The following SPOCK3 variants were observed in gnomAD, a reference collection of about 807,000 sequenced individuals.
The protein encoded by SPOCK3 is testican-3.
In SPOCK3, 30 loss-of-function variants were observed where a neutral mutation model predicts 56.6. The observed-to-expected ratio is 0.53, with a 90% CI of 0.40 to 0.72. The LOEUF is 0.72. Ranked by LOEUF, SPOCK3 falls within the 30% of genes least tolerant of loss-of-function variation. The probability of loss-of-function intolerance (pLI) is 0.00; values close to 1 mark genes in which losing one functional copy is unlikely to be tolerated. For missense variants in SPOCK3, 527 were observed against 530.0 expected (o/e 0.99, Z 0.06); for synonymous variants, 196 against 183.3 (o/e 1.07, Z -0.56).
chr4:166,805,012 A>G (rs559226230), intron 6 of SPOCK3, among the ~76,000 whole-genome samples: 1 of 152,278 alleles, frequency 6.6e-6, no homozygotes, highest in African/African-American at 2.4e-5. Context: ...CAAGATTGAG[A>G]TAATATCTAG....
chr4:166,996,295 C>T (rs1269745161), intron 4 of SPOCK3, among the ~76,000 whole-genome samples: 1 of 152,096 alleles, frequency 6.6e-6, no homozygotes, highest in Non-Finnish European at 1.5e-5. Context: ...CAAACCTTTT[C>T]CTTTTAATAT....
chr4:166,822,324 A>ATTCTC (rs1232392029), intron 6 of SPOCK3, among the ~76,000 whole-genome samples: 1 of 151,460 alleles, frequency 6.6e-6, no homozygotes, highest in Non-Finnish European at 1.5e-5. Flanking sequence ...CTCTCTGAAA[A>ATTCTC]TGTGGATCAG....
At chr4:167,026,261 C>T (rs994407287) in intron 3 of SPOCK3, among the ~76,000 whole-genome samples, 1 of 152,060 alleles carries the variant, frequency 6.6e-6, no homozygotes, top group African/African-American at 2.4e-5. Flanking sequence ...GGAATCTCCT[C>T]ACTTTATGTA....
At chr4:166,762,425 G>A (rs2126514284) in intron 7 of SPOCK3, among the ~76,000 whole-genome samples, 1 of 152,188 alleles carries the variant, frequency 6.6e-6, no homozygotes, top group African/African-American at 2.4e-5. Context: ...TAGAGAAACG[G>A]CCATATCATT....
At chr4:167,134,270 C>A (rs1226705998) in intron 2 of SPOCK3, among the ~76,000 whole-genome samples, 1 of 151,566 alleles carries the variant, frequency 6.6e-6, no homozygotes, top group Non-Finnish European at 1.5e-5. Flanking sequence ...TGACTACAGG[C>A]GATCTGCCTG....
intron 8 of SPOCK3, among the ~76,000 whole-genome samples, chr4:166,745,332 T>C (rs1349997191): frequency 3.3e-5 from 5 of 152,180 alleles, no homozygotes; most frequent in Admixed American, 3.3e-4. Flanking sequence ...GGGGCCAATA[T>C]TCAACATTCT....
intron 2 of SPOCK3, among the ~76,000 whole-genome samples, chr4:167,212,198 A>T (rs1219865052): frequency 2.0e-5 from 3 of 152,012 alleles, no homozygotes; most frequent in Non-Finnish European, 4.4e-5. Flanking sequence ...TAGATTTTTC[A>T]GTACAGTTTT....
chr4:167,185,798 A>AT (rs913909454), intron 2 of SPOCK3, among the ~76,000 whole-genome samples: 12 of 152,044 alleles, frequency 7.9e-5, no homozygotes, highest in Admixed American at 1.3e-4. Context: ...CAATGATAGG[A>AT]TTTTTTTTGA....
chr4:166,792,948 C>T (rs1051308715), intron 6 of SPOCK3, among the ~76,000 whole-genome samples: 3 of 152,022 alleles, frequency 2.0e-5, no homozygotes, highest in Non-Finnish European at 4.4e-5. Context: ...TTAAAGATAT[C>T]ATTATTTATC....
chr4:167,119,636 G>A lies in SPOCK3; in HGVS notation c.190-57099C>T, dbSNP rs1319918056. On this transcript the variant is annotated intron_variant, in intron 2 of 10. Transcript: ENST00000357545. ...TAGCAAAAATAAACCACAAGTGAAG[G>A]GCTGAGGGATGACATCAGTCATAGA... Among the ~76,000 whole-genome samples, 3 of 152,016 alleles carry A rather than the reference G, an allele frequency of 2.0e-5. No individual in the cohort carries two copies. In the East Asian group the frequency reaches 5.8e-4, roughly 29 times the overall value.
In SPOCK3 at chr4:167,153,571, T is replaced by G. The variant is rs1241019371; in HGVS notation, c.189+80414A>C. Among the ~76,000 whole-genome samples the G allele has an allele frequency of 1.3e-5, 2 of 152,200 alleles. 1 individual carries two copies. The highest frequency in any genetic ancestry group is 2.9e-5 in the Non-Finnish European group (2 of 68,044). On this transcript the variant is annotated intron_variant, in intron 2 of 10. Transcript: ENST00000357545. The stretch of plus-strand genomic sequence containing the variant: ...CACTAGTGGCTACAGTATTGGATAA[T>G]GCAAATATAGATCATTTTTATTACC...
intron 2 of SPOCK3, among the ~76,000 whole-genome samples, chr4:167,142,971 G>A (rs572606901): frequency 9.2e-5 from 14 of 152,044 alleles, no homozygotes; most frequent in African/African-American, 3.1e-4. Context: ...ACTAGCTGAA[G>A]AATTAATAGT....
chr4:166,901,272 T>C (rs1736014138), intron 5 of SPOCK3, among the ~76,000 whole-genome samples: 1 of 151,316 alleles, frequency 6.6e-6, no homozygotes. Context: ...AAACAAGGAG[T>C]AGAGTCTGTT....
chr4:167,223,483 G>C (rs998510917), intron 2 of SPOCK3, among the ~76,000 whole-genome samples: 1 of 151,474 alleles, frequency 6.6e-6, no homozygotes, highest in African/African-American at 2.4e-5. Flanking sequence ...AGCATTAACA[G>C]ATGAAGAAGC....
At position 166,823,198 on chromosome 4, in the gene SPOCK3, C is replaced by T. The variant is rs187514724; in HGVS notation, c.590-30909G>A. On this transcript the variant is annotated intron_variant, in intron 6 of 10. Coordinates refer to ENST00000357545, the MANE Select transcript of SPOCK3 (RefSeq NM_001040159.2). ...AAAAACAATCTTGGGTTTTCACCAA[C>T]GGAATGTGAGTCAAAGTGATAAACA... Among the ~76,000 whole-genome samples the T allele has an allele frequency of 2.1e-4, 32 of 152,042 alleles. 1 individual carries two copies. In the East Asian group the frequency reaches 4.1e-3, roughly 19 times the overall value.
chr4:166,754,015 T>C, intron 8 of SPOCK3: 1 of 778,640 alleles, frequency 1.3e-6, no homozygotes, highest in Non-Finnish European at 1.6e-6. Flanking sequence ...GTAAGCTATT[T>C]TGAAAAGTTT....
intron 2 of SPOCK3, among the ~76,000 whole-genome samples, chr4:167,179,790 G>A (rs537248876): frequency 3.7e-4 from 56 of 152,168 alleles, no homozygotes; most frequent in African/African-American, 1.3e-3. Flanking sequence ...CTGAATTTTA[G>A]GCATGTCTCT....
chr4:166,954,525 T>G (rs28450083), intron 4 of SPOCK3, among the ~76,000 whole-genome samples: 1,819 of 152,276 alleles, frequency 0.012, 38 homozygotes, highest in African/African-American at 0.042. Context: ...TGCATGTGGA[T>G]ATCCAGTTTT....
chr4:167,109,547 T>C (rs576825339), intron 2 of SPOCK3, among the ~76,000 whole-genome samples: 2 of 132,010 alleles, frequency 1.5e-5, no homozygotes, highest in African/African-American at 5.6e-5. Context: ...TATAACTATA[T>C]ATGTATATAA....
Sources: gnomAD v4.1 joint callset for allele counts (sites outside exome capture counted in the v4.1 genomes callset) on GRCh38, gnomAD v4.1.1 for gene constraint, MANE v1.5 for transcripts, NCBI Gene and HGNC (gene_info 2026-07-23, HGNC 2026-07-21) for gene names.